Variants in INSL4 observed in about 807,000 individuals in gnomAD.
The protein encoded by INSL4 is insulin like 4.
In INSL4, 7 loss-of-function variants were observed where a neutral mutation model predicts 6.5. The ratio of observed to expected loss-of-function variants is 1.08; its 90% CI spans 0.61 to 2.02. INSL4 has a LOEUF of 2.02. INSL4 is among the 30% of genes most tolerant of loss of function. The pLI is 0.00. For missense variants in INSL4, 226 were observed against 163.2 expected, an observed-to-expected ratio of 1.38 and a Z score of -2.09; for synonymous variants, 82 against 65.8, an observed-to-expected ratio of 1.25 and a Z score of -1.19.
rs1327671556 is a variant in INSL4 at position 5,231,705 on chromosome 9, C to A, written c.182C>A (p.Ser61Tyr). 6.2e-7 allele frequency: 1 copy of A among 1,613,624 alleles called. No individual in the cohort carries two copies. The highest frequency in any genetic ancestry group is 8.5e-7 in the Non-Finnish European group (1 of 1,179,744). Residue 61 changes from serine to tyrosine, a missense_variant, in exon 1 of 2, where the codon TCT (serine) becomes TAT (tyrosine). Transcript: ENST00000239316. ...TTTPGGWLLESGRPKEMVSTS... is the reference protein window; with the variant it reads ...TTTPGGWLLEYGRPKEMVSTS... ...ACCCCAGGAGGGTGGCTGCTGGAATCTGGACGTCCCAAAGGTGAGAGCCCT... is the reference window on the plus strand; with the variant it reads ...ACCCCAGGAGGGTGGCTGCTGGAATATGGACGTCCCAAAGGTGAGAGCCCT...
At chr9:5,232,590 C>T (rs1045981467) in intron 1 of INSL4, among the ~76,000 whole-genome samples, 2 of 152,062 alleles carry the variant, frequency 1.3e-5, no homozygotes, top group Non-Finnish European at 2.9e-5. Context: ...AGTTCAATAC[C>T]AGGATAGTTT....
At chr9:5,231,858 T>C in intron 1 of INSL4, 139 bp downstream of exon 1, 1 of 721,612 alleles carries the variant, frequency 1.4e-6, no homozygotes, top group Non-Finnish European at 2.2e-6. Context: ...TAATGTGCTT[T>C]TATTAAAAGG....
intron 1 of INSL4, among the ~76,000 whole-genome samples, chr9:5,233,342 G>C (rs1203145807): frequency 6.6e-6 from 1 of 152,082 alleles, no homozygotes; most frequent in Non-Finnish European, 1.5e-5. Context: ...ATAATGCATT[G>C]AGGTTATCAA....
chr9:5,232,151 A>G (rs1471553690), intron 1 of INSL4, among the ~76,000 whole-genome samples: 7 of 152,108 alleles, frequency 4.6e-5, no homozygotes, highest in Admixed American at 4.6e-4. Flanking sequence ...AAAGGGGACA[A>G]ACAGTGAGGT....
chr9:5,232,598 T>C (rs887382296), intron 1 of INSL4, among the ~76,000 whole-genome samples: 1 of 152,188 alleles, frequency 6.6e-6, no homozygotes, highest in Non-Finnish European at 1.5e-5. Context: ...ACCAGGATAG[T>C]TTTCAAACTT....
In INSL4 at chr9:5,231,427, G is replaced by T; in HGVS notation, c.-97G>T. On this transcript the variant is annotated 5_prime_UTR_variant, in exon 1 of 2. Transcript: ENST00000239316. ...GAAGGCATGCAGAAAGCAGTCTGGA[G>T]CCCAGAAGGGACACACCAGCACAGT... The T allele has an allele frequency of 2.5e-6, 3 of 1,195,526 alleles. No homozygotes were observed. Among genetic ancestry groups the T allele is most frequent in the Non-Finnish European group, 3.5e-6 (3 of 856,772 alleles). 74.1% of individuals were successfully genotyped at this position (1,195,526 alleles called of 1,614,324 possible).
In INSL4 at chr9:5,231,707, G is replaced by A; in HGVS notation, c.184G>A (p.Gly62Arg). ...CCCAGGAGGGTGGCTGCTGGAATCT[G>A]GACGTCCCAAAGGTGAGAGCCCTGG... The part of the protein sequence containing the change: ...TTPGGWLLES[G>R]RPKEMVSTSN... Residue 62 changes from glycine (G) to arginine (R), a missense_variant, in exon 1 of 2, where the codon GGA becomes AGA. Physicochemically the swap from Gly to Arg is moderately radical, Grantham distance 125 (BLOSUM62 -2). Coordinates refer to ENST00000239316, the MANE Select transcript of INSL4 (RefSeq NM_002195.2). 6.2e-7 allele frequency: 1 copy of A among 1,613,614 alleles called. No individual in the cohort carries two copies. The highest frequency in any genetic ancestry group is 8.5e-7 in the Non-Finnish European group (1 of 1,179,736).
intron 1 of INSL4, 101 bp downstream of exon 1, chr9:5,231,820 G>C (rs185890450): frequency 2.0e-6 from 2 of 993,804 alleles, no homozygotes; most frequent in Non-Finnish European, 2.9e-6. Flanking sequence ...ACTGTGGCTA[G>C]TGCCTACAAG....
In INSL4 at chr9:5,234,157, C is replaced by T. The variant is rs1404460419; in HGVS notation, c.*280C>T. On this transcript the variant is annotated 3_prime_UTR_variant, in exon 2 of 2. Coordinates refer to ENST00000239316, the MANE Select transcript of INSL4 (RefSeq NM_002195.2). ...TAGAAGAGAATTGTAATGATTCCAA[C>T]ACAAAAAAGATGAATGTTAGTTTGG... is the stretch of plus-strand genomic sequence containing the variant. 6.0e-6 allele frequency: 2 copies of T among 335,084 alleles called. No homozygotes were observed. The highest frequency in any genetic ancestry group is 5.5e-6 in the Non-Finnish European group (1 of 181,016). 20.8% of individuals were successfully genotyped at this position (335,084 alleles called of 1,614,324 possible). A position where few individuals can be genotyped will look rare whatever the true frequency, so the allele number is the denominator to read the frequency against.
rs1826208853 is a variant in INSL4 at position 5,235,192 on chromosome 9, G to C, written c.*1315G>C. Reference sequence around the variant, plus strand: ...TCAGCAGGGCAGGAGGTGGTGTGGAGAAAAGGAATTGTCAAGATCTGGTTG... The same window carrying C: ...TCAGCAGGGCAGGAGGTGGTGTGGACAAAAGGAATTGTCAAGATCTGGTTG... On this transcript the variant is annotated 3_prime_UTR_variant, in exon 2 of 2. Coordinates refer to ENST00000239316, the MANE Select transcript of INSL4 (RefSeq NM_002195.2). The C allele has an allele frequency of 6.5e-6, 1 of 153,052 alleles. No individual in the cohort carries two copies. The highest frequency in any genetic ancestry group is 1.5e-5 in the Non-Finnish European group (1 of 68,118). The allele number at this position is 153,052 out of a possible 1,614,324, so 9.5% of individuals were successfully genotyped here. A position where few individuals can be genotyped will look rare whatever the true frequency, so the allele number is the denominator to read the frequency against.
In INSL4 at chr9:5,231,653, C is replaced by A; in HGVS notation, c.130C>A (p.Pro44Thr). 1 of 1,613,822 alleles carries A rather than the reference C, an allele frequency of 6.2e-7. No homozygotes were observed. ...TGGAAAACACTTGCTGTCATATTGC[C>A]CCATGCCTGAGAAGACATTCACCAC... Reference protein sequence around the residue: ...RFGKHLLSYCPMPEKTFTTTP... With the variant: ...RFGKHLLSYCTMPEKTFTTTP... The change falls in exon 1 of 2, where the codon CCC becomes ACC. Residue 44 changes from proline (P) to threonine (T), a missense_variant. Physicochemically the swap from Pro to Thr is conservative, Grantham distance 38. Coordinates refer to ENST00000239316, the MANE Select transcript of INSL4 (RefSeq NM_002195.2).
rs1349369182 is a variant in INSL4, at chr9:5,233,839, A to G, written c.382A>G (p.Ile128Val). Residue 128 changes from isoleucine (I) to valine (V), a missense_variant, in exon 2 of 2, where the codon ATT (isoleucine) becomes GTT (valine). By Grantham distance (29) the Ile-to-Val change is conservative (BLOSUM62 3). Coordinates refer to ENST00000239316, the MANE Select transcript of INSL4 (RefSeq NM_002195.2). Reference protein sequence around the residue: ...HRFDPFCCEVICDDGTSVKLC... With the variant: ...HRFDPFCCEVVCDDGTSVKLC... ...ATTTGATCCATTCTGTTGTGAAGTA[A>G]TTTGTGACGATGGAACTTCAGTTAA... is the stretch of plus-strand genomic sequence containing the variant. The G allele has an allele frequency of 6.2e-7, 1 of 1,613,460 alleles. No homozygotes were observed. The highest frequency in any genetic ancestry group is 1.3e-5 in the African/African-American group (1 of 75,030).
rs1408791695 is a variant in INSL4 at position 5,233,762 on chromosome 9, C to T, written c.305C>T (p.Pro102Leu). ...AAGAAACCACTGTCTGAAGGGCAGC[C>T]ATCATTGAAGAAAATAATACTTTCC... The part of the protein sequence containing the change: ...ELKKPLSEGQ[P>L]SLKKIILSRK... The change falls in exon 2 of 2, where the codon CCA becomes CTA. Residue 102 changes from proline to leucine, a missense_variant. Pro to Leu is a moderately conservative substitution (Grantham distance 98). Transcript: ENST00000239316. 1 of 1,613,420 alleles carries T rather than the reference C, an allele frequency of 6.2e-7. No homozygotes were observed. The highest frequency in any genetic ancestry group is 1.3e-5 in the African/African-American group (1 of 74,880).
Position 5,231,678 on chromosome 9 carries a change from C to G in INSL4, c.155C>G (p.Thr52Ser). 6.2e-7 allele frequency: 1 copy of G among 1,613,820 alleles called. No homozygotes were observed. Among genetic ancestry groups the G allele is most frequent in the Non-Finnish European group, 8.5e-7 (1 of 1,179,828 alleles). The change falls in exon 1 of 2, where the codon ACC becomes AGC. Residue 52 changes from threonine (T) to serine (S), a missense_variant. Coordinates refer to ENST00000239316, the MANE Select transcript of INSL4 (RefSeq NM_002195.2). ...YCPMPEKTFT[T>S]TPGGWLLESG... ...CCCATGCCTGAGAAGACATTCACCACCACCCCAGGAGGGTGGCTGCTGGAA... is the reference window on the plus strand; with the variant it reads ...CCCATGCCTGAGAAGACATTCACCAGCACCCCAGGAGGGTGGCTGCTGGAA...
intron 1 of INSL4, 83 bp from the exon 2 acceptor site, chr9:5,233,571 T>G (rs1586900430): frequency 5.9e-6 from 6 of 1,015,368 alleles, no homozygotes; most frequent in African/African-American, 4.8e-5. Flanking sequence ...TACATTGTGG[T>G]CTAGGCAAAT....
rs764399565 is a variant in INSL4 at position 5,231,495 on chromosome 9, C to T, written c.-29C>T. The T allele has an allele frequency of 1.3e-6, 2 of 1,599,314 alleles. No individual in the cohort carries two copies. The highest frequency in any genetic ancestry group is 2.2e-5 in the East Asian group (1 of 44,676). ...CAAGTCTCTAAAGAAAGGCTGAGAA[C>T]ACCCAGAACAGGAGAGTTCAGGTCC... On this transcript the variant is annotated 5_prime_UTR_variant, in exon 1 of 2. Transcript: ENST00000239316.
At chr9:5,231,769 G>A (rs1253488265) in intron 1 of INSL4, 50 bp downstream of exon 1, 2 of 1,528,598 alleles carry the variant, frequency 1.3e-6, no homozygotes, top group South Asian at 2.3e-5. Context: ...GAAAAAACAG[G>A]CTCCAGATCT....
At chr9:5,231,816 G>A (rs529988449) in intron 1 of INSL4, 97 bp downstream of exon 1, 5 of 1,049,348 alleles carry the variant, frequency 4.8e-6, no homozygotes, top group African/African-American at 1.6e-5. Flanking sequence ...CTCTACTGTG[G>A]CTAGTGCCTA....
In INSL4 at chr9:5,233,742, A is replaced by G. The variant is rs1422153109; in HGVS notation, c.285A>G (p.Lys95=). 6.2e-7 allele frequency: 1 copy of G among 1,613,790 alleles called. No individual in the cohort carries two copies. The highest frequency in any genetic ancestry group is 1.1e-5 in the South Asian group (1 of 91,076). ...CTAATTTGTCACCAGAGCTGAAGAA[A>G]CCACTGTCTGAAGGGCAGCCATCAT... ...FIPNLSPELK[K]PLSEGQPSLK... is the part of the protein sequence containing the mutation. The change falls in exon 2 of 2, where the codon AAA becomes AAG. Residue 95 remains lysine (K), a synonymous_variant. Transcript: ENST00000239316.
Sources: allele counts gnomAD v4.1 joint callset (sites outside exome capture counted in the v4.1 genomes callset), GRCh38; gene constraint gnomAD v4.1.1; transcripts MANE v1.5; gene names NCBI Gene and HGNC (gene_info 2026-07-23, HGNC 2026-07-21).